DPP10: variants seen among roughly 807,000 people sequenced by gnomAD.
DPP10 encodes the protein dipeptidyl peptidase like 10.
In DPP10, 33 loss-of-function variants were observed where a neutral mutation model predicts 120.9. The ratio of observed to expected loss-of-function variants is 0.27; its 90% CI spans 0.21 to 0.37. DPP10 has a LOEUF of 0.37. Ranked by LOEUF, DPP10 falls within the 10% of genes least tolerant of loss-of-function variation. The pLI is 1.00. For missense variants in DPP10, 816 were observed against 942.8 expected, an observed-to-expected ratio of 0.87 and a Z score of 1.76; for synonymous variants, 337 against 326.1, an observed-to-expected ratio of 1.03 and a Z score of -0.36.
At chr2:114,597,835 A>G (rs763470161) in intron 1 of DPP10, among the ~76,000 whole-genome samples, 13 of 151,922 alleles carry the variant, frequency 8.6e-5, no homozygotes, top group Non-Finnish European at 1.6e-4. Flanking sequence ...CCTAGTTGCT[A>G]CCAGTGTCAC....
intron 2 of DPP10, among the ~76,000 whole-genome samples, chr2:115,330,350 G>A (rs1362763685): frequency 6.6e-5 from 10 of 151,774 alleles, no homozygotes; most frequent in African/African-American, 2.2e-4. Context: ...TGTCAGATGA[G>A]TAGATTGCAA....
chr2:114,531,094 G>A (rs1685936241), intron 1 of DPP10, among the ~76,000 whole-genome samples: 1 of 152,138 alleles, frequency 6.6e-6, no homozygotes, highest in Admixed American at 6.6e-5. Context: ...ATAAGACTGT[G>A]TTTGCACCCT....
chr2:115,487,109 G>A (rs1042369714), intron 3 of DPP10, among the ~76,000 whole-genome samples: 1 of 151,774 alleles, frequency 6.6e-6, no homozygotes, highest in Non-Finnish European at 1.5e-5. Flanking sequence ...GCCAAATCAT[G>A]AGTGAACTCC....
chr2:114,988,982 A>T lies in DPP10; in HGVS notation c.61-320257A>T, dbSNP rs74640358. 7.8e-3 allele frequency among the ~76,000 whole-genome samples: 1,188 copies of T among 152,264 alleles called. 22 individuals carry two copies. The highest frequency in any genetic ancestry group is 0.027 in the African/African-American group (1,122 of 41,546). On this transcript the variant is annotated intron_variant, in intron 1 of 25. Transcript: ENST00000410059. ...GGTATGGGGGAAATACAATGAAAACACCAAACAGTATTTTTATCTAAAATT... is the reference window on the plus strand; with the variant it reads ...GGTATGGGGGAAATACAATGAAAACTCCAAACAGTATTTTTATCTAAAATT...
chr2:115,039,768 C>A (rs150778072), intron 1 of DPP10, among the ~76,000 whole-genome samples: 14 of 152,110 alleles, frequency 9.2e-5, no homozygotes, highest in African/African-American at 3.4e-4. Context: ...ACGCACTCTA[C>A]CCACAAAGAA....
At chr2:115,269,743 T>C (rs548048123) in intron 1 of DPP10, among the ~76,000 whole-genome samples, 2 of 152,254 alleles carry the variant, frequency 1.3e-5, no homozygotes, top group African/African-American at 4.8e-5. Context: ...CACTTTCTAT[T>C]GGTTTGTAGT....
At chr2:115,683,507 T>C (rs1455769126) in intron 5 of DPP10, among the ~76,000 whole-genome samples, 1 of 151,752 alleles carries the variant, frequency 6.6e-6, no homozygotes, top group Non-Finnish European at 1.5e-5. Context: ...TGGGTGACAA[T>C]GGCGTGTTGA....
chr2:114,807,601 TA>T (rs1246055023), intron 1 of DPP10, among the ~76,000 whole-genome samples: 11 of 152,236 alleles, frequency 7.2e-5, no homozygotes, highest in African/African-American at 1.2e-4. Context: ...AATTTTCTAT[TA>T]AAAAATTATA....
intron 19 of DPP10, among the ~76,000 whole-genome samples, chr2:115,795,588 G>T (rs1684446432): frequency 6.6e-6 from 1 of 152,070 alleles, no homozygotes; most frequent in Non-Finnish European, 1.5e-5. Context: ...ATCACTGAAT[G>T]TTCTGTGTAT....
At chr2:114,977,328 T>G (rs1344923691) in intron 1 of DPP10, among the ~76,000 whole-genome samples, 2 of 152,192 alleles carry the variant, frequency 1.3e-5, no homozygotes, top group Admixed American at 1.3e-4. Flanking sequence ...GTCTACACCT[T>G]CTATTTACTT....
In DPP10 at chr2:115,759,776, G is replaced by A. The variant is rs530305038; in HGVS notation, c.1075-2796G>A. Among the ~76,000 whole-genome samples, 8 of 152,048 alleles carry A rather than the reference G, an allele frequency of 5.3e-5. No individual in the cohort carries two copies. The South Asian group carries it at 6.2e-4, about 12-fold the overall frequency. ...CTGTAATCCCAACACTTTGGGAGGC[G>A]GAGGCGGGCAGATCACCTGAGGTCA... On this transcript the variant is annotated intron_variant, in intron 11 of 25. Transcript: ENST00000410059.
At chr2:115,294,507 T>C (rs904688036) in intron 1 of DPP10, among the ~76,000 whole-genome samples, 1 of 152,126 alleles carries the variant, frequency 6.6e-6, no homozygotes, top group Non-Finnish European at 1.5e-5. Flanking sequence ...CTCTTTCTTT[T>C]GTTTTTTGCT....
chr2:115,689,540 G>A (rs959638789), intron 5 of DPP10, 147 bp from the exon 6 acceptor site: 4 of 615,636 alleles, frequency 6.5e-6, no homozygotes, highest in Non-Finnish European at 1.1e-5. Flanking sequence ...CACAGAGAGG[G>A]TGATAAACTT....
intron 1 of DPP10, among the ~76,000 whole-genome samples, chr2:114,647,022 C>CCAGT (rs1370362250): frequency 1.3e-4 from 20 of 152,172 alleles, no homozygotes; most frequent in African/African-American, 4.3e-4. Flanking sequence ...AAGTCCAAGC[C>CCAGT]CAGTTCACTT....
In DPP10 at chr2:114,797,862, A is replaced by G. The variant is rs1009399594; in HGVS notation, c.60+355024A>G. On this transcript the variant is annotated intron_variant, in intron 1 of 25. Coordinates refer to ENST00000410059, the MANE Select transcript of DPP10 (RefSeq NM_020868.6). ...GTGACTCGTTGTCAAAGAATATAGT[A>G]AGAAAGGGGGAGAAAGGGTATTTTT... is the stretch of plus-strand genomic sequence containing the variant. 2.6e-5 allele frequency among the ~76,000 whole-genome samples: 4 copies of G among 152,182 alleles called. 1 individual carries two copies. In the South Asian group the frequency reaches 8.3e-4, roughly 31 times the overall value.
At chr2:115,304,668 G>A (rs1487470832) in intron 1 of DPP10, among the ~76,000 whole-genome samples, 2 of 151,960 alleles carry the variant, frequency 1.3e-5, no homozygotes, top group Non-Finnish European at 2.9e-5. Context: ...CCAAAGGAAA[G>A]TACAAATGGA....
chr2:115,028,222 G>C (rs1418462501), intron 1 of DPP10, among the ~76,000 whole-genome samples: 1 of 151,928 alleles, frequency 6.6e-6, no homozygotes, highest in Non-Finnish European at 1.5e-5. Context: ...ACACCTCTTT[G>C]ATAAAGTCAT....
At chr2:115,045,652 G>A (rs542529926) in intron 1 of DPP10, among the ~76,000 whole-genome samples, 1 of 152,216 alleles carries the variant, frequency 6.6e-6, no homozygotes, top group African/African-American at 2.4e-5. Context: ...CAGACCAGGG[G>A]ACGGCGGAGG....
intron 1 of DPP10, among the ~76,000 whole-genome samples, chr2:114,778,100 A>G (rs1018358970): frequency 6.6e-6 from 1 of 152,086 alleles, no homozygotes; most frequent in African/African-American, 2.4e-5. Context: ...AAATAAATAC[A>G]TTACTAAGAA....
Sources: allele counts gnomAD v4.1 joint callset (sites outside exome capture counted in the v4.1 genomes callset), GRCh38; gene constraint gnomAD v4.1.1; transcripts MANE v1.5; gene names NCBI Gene and HGNC (gene_info 2026-07-23, HGNC 2026-07-21).